DCAF7: variants seen among roughly 807,000 people sequenced by gnomAD.
DCAF7 encodes the protein DDB1 and CUL4 associated factor 7.
Under a neutral mutation model 41.2 loss-of-function variants are expected in DCAF7, and 4 were observed. The ratio of observed to expected loss-of-function variants is 0.10; its 90% confidence interval spans 0.05 to 0.22. The LOEUF is 0.22. Ranked by LOEUF, DCAF7 falls within the 10% of genes least tolerant of loss-of-function variation. The pLI, the probability that DCAF7 is intolerant of heterozygous loss-of-function variation, is 1.00. For synonymous variants in DCAF7, 143 were observed against 164.2 expected (o/e 0.87, Z 0.99); for missense variants, 131 against 443.2 (o/e 0.30, Z 6.32).
At chr17:63,566,039 T>G (rs1200873559) in intron 1 of DCAF7, among the ~76,000 whole-genome samples, 2 of 152,020 alleles carry the variant, frequency 1.3e-5, no homozygotes, top group Non-Finnish European at 2.9e-5. Flanking sequence ...AGGCAGAAGT[T>G]GCAATGAGCC....
intron 6 of DCAF7, among the ~76,000 whole-genome samples, chr17:63,586,717 G>A (rs1239255009): frequency 2.0e-5 from 3 of 151,376 alleles, no homozygotes; most frequent in South Asian, 4.2e-4. Context: ...AGCTGAGATC[G>A]TGCCACTACC....
At chr17:63,580,703 A>C (rs1449326768) in intron 4 of DCAF7, among the ~76,000 whole-genome samples, 1 of 151,864 alleles carries the variant, frequency 6.6e-6, no homozygotes, top group East Asian at 1.9e-4. Flanking sequence ...ATTTTTTAGC[A>C]GAGACAGGGT....
intron 6 of DCAF7, among the ~76,000 whole-genome samples, chr17:63,587,731 C>T (rs2033692103): frequency 6.6e-6 from 1 of 152,176 alleles, no homozygotes; most frequent in Non-Finnish European, 1.5e-5. Context: ...GACCAGCTTT[C>T]ATCAGAATGC....
At chr17:63,577,869 A>G (rs1351359094) in intron 1 of DCAF7, among the ~76,000 whole-genome samples, 1 of 152,074 alleles carries the variant, frequency 6.6e-6, no homozygotes, top group Non-Finnish European at 1.5e-5. Context: ...CCTGGCAGAT[A>G]GTGCACTTAT....
intron 1 of DCAF7, among the ~76,000 whole-genome samples, chr17:63,558,142 C>T (rs1254350054): frequency 6.6e-6 from 1 of 152,194 alleles, no homozygotes; most frequent in African/African-American, 2.4e-5. Flanking sequence ...GATCCACTAA[C>T]CTCAGTCTCC....
intron 1 of DCAF7, chr17:63,573,293 T>C (rs1437835264): frequency 2.6e-5 from 4 of 152,354 alleles, no homozygotes; most frequent in Admixed American, 2.6e-4. Flanking sequence ...GCAGGGACCA[T>C]GCTAACCTTT....
chr17:63,592,769 T>C lies in DCAF7; in HGVS notation c.*3597T>C, dbSNP rs2033747902. On this transcript the variant is annotated 3_prime_UTR_variant, in exon 7 of 7. Transcript: ENST00000614556. ...ACAAAATGACAGCTTAGAGCAGCCA[T>C]GGGTGATGTTTGGTGGTAAAAAACC... 6.6e-6 allele frequency: 1 copy of C among 152,166 alleles called. No homozygotes were observed. Among genetic ancestry groups the C allele is most frequent in the Non-Finnish European group, 1.5e-5 (1 of 68,048 alleles). 9.4% of individuals were successfully genotyped at this position (152,166 alleles called of 1,614,324 possible).
intron 1 of DCAF7, among the ~76,000 whole-genome samples, chr17:63,553,302 C>G (rs1342482083): frequency 6.6e-6 from 1 of 152,150 alleles, no homozygotes; most frequent in African/African-American, 2.4e-5. Context: ...CTGGCAAAGT[C>G]ACAGACAGTC....
In DCAF7 at chr17:63,591,284, C is replaced by T. The variant is rs1213284297; in HGVS notation, c.*2112C>T. ...TTACATCCACTGAGTTCTAAGATTC[C>T]TTTCCTGATCTGCACCTACGCCTGG... On this transcript the variant is annotated 3_prime_UTR_variant, in exon 7 of 7. Coordinates refer to ENST00000614556, the MANE Select transcript of DCAF7 (RefSeq NM_005828.5). The T allele has an allele frequency of 1.3e-5, 2 of 152,140 alleles. No individual in the cohort carries two copies. The highest frequency in any genetic ancestry group is 4.8e-5 in the African/African-American group (2 of 41,418). 9.4% of individuals were successfully genotyped at this position (152,140 alleles called of 1,614,324 possible).
intron 1 of DCAF7, among the ~76,000 whole-genome samples, chr17:63,574,528 A>G (rs2033540220): frequency 6.6e-6 from 1 of 152,250 alleles, no homozygotes; most frequent in African/African-American, 2.4e-5. Context: ...GACAAGATCT[A>G]TGAATATATG....
chr17:63,570,682 T>G lies in DCAF7; in HGVS notation c.139-7788T>G, dbSNP rs1355239293. 2.0e-5 allele frequency among the ~76,000 whole-genome samples: 3 copies of G among 152,132 alleles called. No homozygotes were observed. In the South Asian group the frequency reaches 6.2e-4, roughly 32 times the overall value. Reference sequence around the variant, plus strand: ...TATAACTTACTAGTGCAGAAAAACATTATTAGGATATATATTGAGGCATTG... The same window carrying G: ...TATAACTTACTAGTGCAGAAAAACAGTATTAGGATATATATTGAGGCATTG... On this transcript the variant is annotated intron_variant, in intron 1 of 6. Transcript: ENST00000614556.
intron 1 of DCAF7, among the ~76,000 whole-genome samples, chr17:63,576,026 G>A (rs761760292): frequency 1.3e-5 from 2 of 152,232 alleles, no homozygotes; most frequent in Non-Finnish European, 2.9e-5. Context: ...GAACAGAATA[G>A]AGTCCAGAAA....
chr17:63,585,537 A>G (rs1175058115), intron 6 of DCAF7, among the ~76,000 whole-genome samples: 1 of 152,238 alleles, frequency 6.6e-6, no homozygotes, highest in African/African-American at 2.4e-5. Flanking sequence ...AACATCTTCC[A>G]TATATGATTT....
intron 1 of DCAF7, among the ~76,000 whole-genome samples, chr17:63,565,316 T>TG (rs2033428697): frequency 6.6e-6 from 1 of 152,064 alleles, no homozygotes; most frequent in Non-Finnish European, 1.5e-5. Context: ...GGCTCACACC[T>TG]GCAATCCCAG....
chr17:63,559,542 C>A (rs1001710748), intron 1 of DCAF7, among the ~76,000 whole-genome samples: 1 of 150,692 alleles, frequency 6.6e-6, no homozygotes, highest in Non-Finnish European at 1.5e-5. Flanking sequence ...TGGCTCACAC[C>A]TGTAATCCCA....
At chr17:63,587,644 C>T (rs1233817859) in intron 6 of DCAF7, among the ~76,000 whole-genome samples, 1 of 152,086 alleles carries the variant, frequency 6.6e-6, no homozygotes, top group Non-Finnish European at 1.5e-5. Context: ...CCAGACTATG[C>T]GGCCTTGGCA....
At position 63,588,189 on chromosome 17, in the gene DCAF7, A is replaced by ATTTTTTTTTT. The variant is rs377638787; in HGVS notation, c.857-804_857-795dup. On this transcript the variant is annotated intron_variant, in intron 6 of 6. Transcript: ENST00000614556. Reference sequence around the variant, plus strand: ...GTGTTTCCCATAGCTATTTTCTTGGATTTTTTTTTTTTTTTTGAGATGAAG... The same window carrying ATTTTTTTTTT: ...GTGTTTCCCATAGCTATTTTCTTGGATTTTTTTTTTTTTTTTTTTTTTTTTTGAGATGAAG... 3.3e-5 allele frequency among the ~76,000 whole-genome samples: 4 copies of ATTTTTTTTTT among 120,262 alleles called. 1 individual carries two copies. The highest frequency in any genetic ancestry group is 1.6e-4 in the African/African-American group (4 of 25,400). 78.9% of individuals were successfully genotyped at this position (120,262 alleles called of 152,430 possible). A position where few individuals can be genotyped will look rare whatever the true frequency, so the allele number is the denominator to read the frequency against.
chr17:63,570,211 T>C (rs1362664515), intron 1 of DCAF7, among the ~76,000 whole-genome samples: 1 of 151,974 alleles, frequency 6.6e-6, no homozygotes, highest in Non-Finnish European at 1.5e-5. Flanking sequence ...CCCAGCACTT[T>C]GGGAGGCCAA....
At chr17:63,557,512 AAAAG>A (rs747066528) in intron 1 of DCAF7, among the ~76,000 whole-genome samples, 262 of 152,250 alleles carry the variant, frequency 1.7e-3, no homozygotes, top group Non-Finnish European at 2.4e-3. Context: ...GTCAAAAAAA[AAAAG>A]AAAGAAAGAA....
Sources: allele counts gnomAD v4.1 joint callset (sites outside exome capture counted in the v4.1 genomes callset), GRCh38; gene constraint gnomAD v4.1.1; transcripts MANE v1.5; gene names NCBI Gene and HGNC (gene_info 2026-07-23, HGNC 2026-07-21).